The following SND1 variants were observed in gnomAD, a reference collection of about 807,000 sequenced individuals.
SND1 encodes staphylococcal nuclease and tudor domain containing 1.
SND1 carries 38 observed loss-of-function variants against 121.7 expected under a neutral mutation model. That is an observed-to-expected ratio of 0.31 (90% CI 0.24 to 0.41). The LOEUF (loss-of-function observed/expected upper bound fraction) is 0.41, where lower values mean the gene tolerates loss of function less well. Among genes scored for constraint, SND1 ranks in the 10% least tolerant of loss-of-function variants. The pLI, the probability that SND1 is intolerant of heterozygous loss-of-function variation, is 1.00. For missense variants in SND1, 868 were observed against 1,184.6 expected, an observed-to-expected ratio of 0.73 and a Z score of 3.92; for synonymous variants, 401 against 447.4, an observed-to-expected ratio of 0.90 and a Z score of 1.31.
chr7:128,026,952 C>T (rs1015650645), intron 16 of SND1: 3 of 152,156 alleles, frequency 2.0e-5, no homozygotes, highest in Admixed American at 6.5e-5. Flanking sequence ...TAACATTTGT[C>T]TTTCCCCCAT....
chr7:128,029,429 G>A lies in SND1; in HGVS notation c.1779+38373G>A, dbSNP rs769342110. On this transcript the variant is annotated intron_variant, in intron 16 of 23. Coordinates refer to ENST00000354725, the MANE Select transcript of SND1 (RefSeq NM_014390.4). This position sits in a 1 kb window ranked among gnomAD's most constrained non-coding sequence, Gnocchi z 4.2. ...GGGAAAAGTTCAAGGTGCCGTCGTT[G>A]AGGACAGAGATCCTTGGGTGGCGGG... The A allele has an allele frequency of 1.9e-6, 3 of 1,614,108 alleles. No homozygotes were observed. Among genetic ancestry groups the A allele is most frequent in the South Asian group, 2.2e-5 (2 of 91,088 alleles).
At chr7:127,908,178 C>T (rs6972398) in intron 14 of SND1, among the ~76,000 whole-genome samples, 8,957 of 151,958 alleles carry the variant, frequency 0.059, 774 homozygotes, top group African/African-American at 0.19. Context: ...CTAGACCGGG[C>T]GTGGTGGCTC....
chr7:128,043,401 C>G (rs1005961199), intron 16 of SND1, among the ~76,000 whole-genome samples: 2 of 151,904 alleles, frequency 1.3e-5, no homozygotes, highest in African/African-American at 4.8e-5. Context: ...TGGTAAAACC[C>G]CATTTCTACT....
At chr7:127,812,591 C>G (rs1325812023) in intron 11 of SND1, among the ~76,000 whole-genome samples, 1 of 152,134 alleles carries the variant, frequency 6.6e-6, no homozygotes, top group Admixed American at 6.5e-5. Flanking sequence ...TTTATCTTGG[C>G]ACAGGGTCAC....
Position 128,029,398 on chromosome 7 carries a change from G to A in SND1, c.1779+38342G>A. 6.2e-7 allele frequency: 1 copy of A among 1,614,234 alleles called. No homozygotes were observed. The highest frequency in any genetic ancestry group is 8.5e-7 in the Non-Finnish European group (1 of 1,180,042). The stretch of plus-strand genomic sequence containing the variant: ...GTGTACACCCCAGTGTCTGAAAGCA[G>A]CACGTGGGAAAAGTTCAAGGTGCCG... On this transcript the variant is annotated intron_variant, in intron 16 of 23. Coordinates refer to ENST00000354725, the MANE Select transcript of SND1 (RefSeq NM_014390.4). This position sits in a 1 kb window ranked among gnomAD's most constrained non-coding sequence, Gnocchi z 4.2.
intron 15 of SND1, among the ~76,000 whole-genome samples, chr7:127,966,646 T>C (rs1801860502): frequency 1.1e-5 from 1 of 92,482 alleles, no homozygotes; most frequent in Non-Finnish European, 2.1e-5. Context: ...AGATGTTCTT[T>C]GAAACCAACG....
At chr7:127,993,155 A>T (rs1364346340) in intron 16 of SND1, among the ~76,000 whole-genome samples, 1 of 152,250 alleles carries the variant, frequency 6.6e-6, no homozygotes, top group Non-Finnish European at 1.5e-5. Flanking sequence ...TAATTCAAAA[A>T]TCTGACTAAA....
In SND1 at chr7:128,092,038, G is replaced by A. The variant is rs1793790218; in HGVS notation, c.2713G>A (p.Glu905Lys). ...YGDFRADDAD[E>K]FGYSR The stretch of plus-strand genomic sequence containing the variant: ...AGACTTTCGAGCTGATGATGCAGAC[G>A]AATTTGGCTACAGCCGCTAAGGAGG... Residue 905 changes from glutamate to lysine, a missense_variant, in exon 24 of 24, where the codon GAA (glutamate) becomes AAA (lysine). By Grantham distance (56) the Glu-to-Lys change is moderately conservative. Around this residue, in one of 2 missense-constraint regions of SND1, gnomAD observed 743 missense variants for 1,071.3 expected, o/e 0.69. Coordinates refer to ENST00000354725, the MANE Select transcript of SND1 (RefSeq NM_014390.4). This position sits in a 1 kb window ranked among gnomAD's most constrained non-coding sequence, Gnocchi z 4.9. The A allele has an allele frequency of 1.9e-6, 3 of 1,614,092 alleles. No individual in the cohort carries two copies. Among genetic ancestry groups the A allele is most frequent in the Non-Finnish European group, 2.5e-6 (3 of 1,179,950 alleles).
intron 10 of SND1, among the ~76,000 whole-genome samples, chr7:127,756,073 A>C (rs905027683): frequency 6.6e-6 from 1 of 152,258 alleles, no homozygotes; most frequent in African/African-American, 2.4e-5. Flanking sequence ...AAAAAAGGCT[A>C]TCAGCCTTTG....
At chr7:127,951,847 A>C (rs1801470038) in intron 15 of SND1, among the ~76,000 whole-genome samples, 1 of 152,232 alleles carries the variant, frequency 6.6e-6, no homozygotes, top group African/African-American at 2.4e-5. Context: ...AAAACAAAAC[A>C]AAACCACTTT....
chr7:127,852,169 AAAATAAAAT>A (rs1353670254), intron 12 of SND1, among the ~76,000 whole-genome samples: 5 of 80,422 alleles, frequency 6.2e-5, no homozygotes, highest in Admixed American at 1.3e-4. Flanking sequence ...CCAAAAAAAT[AAAATAAAAT>A]AAATAAAATA....
intron 16 of SND1, among the ~76,000 whole-genome samples, chr7:128,053,820 A>G (rs945816304): frequency 4.6e-5 from 7 of 152,166 alleles, no homozygotes; most frequent in Non-Finnish European, 1.0e-4. Context: ...CACTAGCCAG[A>G]ATCAGCCTCC....
intron 15 of SND1, among the ~76,000 whole-genome samples, chr7:127,937,239 G>A (rs1235983039): frequency 6.6e-6 from 1 of 152,192 alleles, no homozygotes; most frequent in Non-Finnish European, 1.5e-5. Context: ...GGAAATGGAT[G>A]CCAGTCACCT....
At chr7:127,672,861 A>T (rs1014312454) in intron 1 of SND1, among the ~76,000 whole-genome samples, 4 of 151,976 alleles carry the variant, frequency 2.6e-5, no homozygotes, top group Non-Finnish European at 4.4e-5. Flanking sequence ...ATTGAATTTA[A>T]GACTGTAATT....
chr7:127,766,361 C>G (rs1476898567), intron 10 of SND1, among the ~76,000 whole-genome samples: 4 of 152,246 alleles, frequency 2.6e-5, no homozygotes, highest in African/African-American at 9.6e-5. Flanking sequence ...AAAGGTGGCA[C>G]TTGCCATAGA....
intron 12 of SND1, among the ~76,000 whole-genome samples, chr7:127,876,150 C>T (rs560706586): frequency 6.6e-6 from 1 of 152,188 alleles, no homozygotes; most frequent in Non-Finnish European, 1.5e-5. Context: ...TGCTCCTTCC[C>T]CCTTCATTGT....
At position 127,742,622 on chromosome 7, in the gene SND1, T is replaced by C. The variant is rs527480806; in HGVS notation, c.1152+21222T>C. Among the ~76,000 whole-genome samples the C allele has an allele frequency of 4.6e-5, 7 of 152,328 alleles. No individual in the cohort carries two copies. The South Asian group carries it at 1.4e-3, about 32-fold the overall frequency. ...GATGGCGGCAAGTACCATGTACCTTTTCTTGTGTGAAAGTGCTCCACAAAG... is the reference window on the plus strand; with the variant it reads ...GATGGCGGCAAGTACCATGTACCTTCTCTTGTGTGAAAGTGCTCCACAAAG... On this transcript the variant is annotated intron_variant, in intron 10 of 23. Coordinates refer to ENST00000354725, the MANE Select transcript of SND1 (RefSeq NM_014390.4).
chr7:127,805,003 G>T (rs994696143), intron 10 of SND1, among the ~76,000 whole-genome samples: 7 of 152,040 alleles, frequency 4.6e-5, no homozygotes, highest in Non-Finnish European at 8.8e-5. Flanking sequence ...TTTATTACCG[G>T]CACCTGGTAT....
chr7:127,944,069 A>C (rs1294469420), intron 15 of SND1, among the ~76,000 whole-genome samples: 2 of 152,228 alleles, frequency 1.3e-5, no homozygotes, highest in Non-Finnish European at 2.9e-5. Flanking sequence ...ACCTTGAATT[A>C]AGTGGGTTAG....
Sources: gnomAD v4.1 joint callset for allele counts (sites outside exome capture counted in the v4.1 genomes callset) on GRCh38, gnomAD v4.1.1 for gene constraint, gnomAD v4.1.1 regional missense constraint, Gnocchi (gnomAD v3.1) non-coding constraint, MANE v1.5 for transcripts, NCBI Gene and HGNC (gene_info 2026-07-23, HGNC 2026-07-21) for gene names.